Variants in ADAM29 observed in about 807,000 individuals in gnomAD.
The protein encoded by ADAM29 is ADAM metallopeptidase domain 29, also known as disintegrin and metalloproteinase domain-containing protein 29.
For synonymous variants in ADAM29, 367 were observed against 342.3 expected, an observed-to-expected ratio of 1.07 and a Z score of -0.80; for missense variants, 969 against 1,001.8, an observed-to-expected ratio of 0.97 and a Z score of 0.44.
chr4:174,975,220 C>T (rs1323574691), intron 4 of ADAM29, 126 bp from the exon 5 acceptor site: 1 of 249,482 alleles, frequency 4.0e-6, no homozygotes, highest in Non-Finnish European at 7.6e-6. Flanking sequence ...TTGAGTCATT[C>T]CTTGATGAAA....
At chr4:174,922,842 A>G (rs1743242762) in intron 2 of ADAM29, among the ~76,000 whole-genome samples, 1 of 152,048 alleles carries the variant, frequency 6.6e-6, no homozygotes, top group Admixed American at 6.6e-5. Context: ...TTTGAAATAT[A>G]ATCTTCGAAA....
chr4:174,952,322 G>T (rs375085324), intron 4 of ADAM29, among the ~76,000 whole-genome samples: 1 of 149,530 alleles, frequency 6.7e-6, no homozygotes, highest in African/African-American at 2.5e-5. Flanking sequence ...CCTCATGAAG[G>T]TCAAAATTTA....
chr4:174,929,130 T>C (rs879543742), intron 2 of ADAM29, among the ~76,000 whole-genome samples: 1 of 152,166 alleles, frequency 6.6e-6, no homozygotes, highest in African/African-American at 2.4e-5. Flanking sequence ...CATGTTGGTT[T>C]CTCTGTAAAA....
intron 2 of ADAM29, among the ~76,000 whole-genome samples, chr4:174,928,833 T>A (rs9998487): frequency 0.21 from 32,676 of 152,108 alleles, 4,873 homozygotes; most frequent in African/African-American, 0.42. Flanking sequence ...TTTCTTGGTG[T>A]ATACTTTTCA....
intron 2 of ADAM29, among the ~76,000 whole-genome samples, chr4:174,928,143 A>G (rs1743624016): frequency 6.6e-6 from 1 of 152,116 alleles, no homozygotes; most frequent in South Asian, 2.1e-4. Context: ...TCTGGATTTT[A>G]CCTGTAAGGG....
intron 3 of ADAM29, among the ~76,000 whole-genome samples, chr4:174,934,251 AT>A (rs1368112294): frequency 2.6e-5 from 4 of 152,142 alleles, no homozygotes; most frequent in African/African-American, 9.6e-5. Context: ...TGACAAGTCT[AT>A]TTTTAAGTAT....
chr4:174,930,270 A>G (rs1743787595), intron 2 of ADAM29, among the ~76,000 whole-genome samples: 1 of 152,160 alleles, frequency 6.6e-6, no homozygotes, highest in African/African-American at 2.4e-5. Context: ...ATCCCCACTC[A>G]TGATGTAAAG....
chr4:174,939,417 A>ACC (rs1744396848), intron 4 of ADAM29, among the ~76,000 whole-genome samples: 3 of 152,282 alleles, frequency 2.0e-5, no homozygotes, highest in South Asian at 4.1e-4. Context: ...ATATTCTGAA[A>ACC]ATAGGACAGA....
At chr4:174,936,403 A>G (rs1560866619) in intron 3 of ADAM29, among the ~76,000 whole-genome samples, 2 of 151,888 alleles carry the variant, frequency 1.3e-5, no homozygotes. Flanking sequence ...CTTATTTGAC[A>G]TTTTTTGGAA....
At chr4:174,953,388 A>G (rs1474699038) in intron 4 of ADAM29, among the ~76,000 whole-genome samples, 1 of 152,146 alleles carries the variant, frequency 6.6e-6, no homozygotes, top group Non-Finnish European at 1.5e-5. Flanking sequence ...AAAGTATACT[A>G]TTTTCTTTAA....
chr4:174,942,878 A>G (rs1417934268), intron 4 of ADAM29, among the ~76,000 whole-genome samples: 3 of 152,180 alleles, frequency 2.0e-5, no homozygotes, highest in Non-Finnish European at 4.4e-5. Flanking sequence ...TTCCCTTTTA[A>G]AAATAAGTTC....
At chr4:174,946,583 G>C (rs1211505953) in intron 4 of ADAM29, among the ~76,000 whole-genome samples, 1 of 152,034 alleles carries the variant, frequency 6.6e-6, no homozygotes, top group Non-Finnish European at 1.5e-5. Context: ...TCATTTTCAA[G>C]GGGGATGCTT....
chr4:174,957,245 G>A (rs1042885279), intron 4 of ADAM29, among the ~76,000 whole-genome samples: 2 of 151,710 alleles, frequency 1.3e-5, no homozygotes, highest in Non-Finnish European at 3.0e-5. Context: ...TCAAAATATA[G>A]GTTAATCAAC....
Position 174,977,953 on chromosome 4 carries a change from C to G in ADAM29, c.2428C>G (p.Pro810Ala). The change falls in exon 5 of 5, where the codon CCT (proline) becomes GCT (alanine). Residue 810 changes from proline (P) to alanine (A), a missense_variant. Physicochemically the swap from Pro to Ala is conservative, Grantham distance 27 (BLOSUM62 -1). Coordinates refer to ENST00000359240, the MANE Select transcript of ADAM29 (RefSeq NM_014269.4). Reference protein sequence around the residue: ...TPSQRQPQLMPSQSQPPVTPS With the variant: ...TPSQRQPQLMASQSQPPVTPS ...CTCCCAGAGGCAACCTCAGTTGATG[C>G]CTTCCCAGAGTCAACCTCCTGTGAC... is the stretch of plus-strand genomic sequence containing the variant. 6.3e-7 allele frequency: 1 copy of G among 1,593,700 alleles called. No individual in the cohort carries two copies.
In ADAM29 at chr4:174,959,953, C is replaced by T. The variant is rs1026836405; in HGVS notation, c.-180-15393C>T. On this transcript the variant is annotated intron_variant, in intron 4 of 4. Coordinates refer to ENST00000359240, the MANE Select transcript of ADAM29 (RefSeq NM_014269.4). ...TCAGTGTGAAAACTACCTGGGGCTG[C>T]GTTTTCTTTGTAACAATGATTTTTA... Among the ~76,000 whole-genome samples, 4 of 151,910 alleles carry T rather than the reference C, an allele frequency of 2.6e-5. No individual in the cohort carries two copies. In the East Asian group the frequency reaches 5.8e-4, roughly 22 times the overall value.
chr4:174,954,064 T>C (rs749897606), intron 4 of ADAM29, among the ~76,000 whole-genome samples: 1 of 152,208 alleles, frequency 6.6e-6, no homozygotes, highest in Non-Finnish European at 1.5e-5. Flanking sequence ...TCTGCCATTA[T>C]ATAACTTTCC....
chr4:174,925,734 C>T (rs565523774), intron 2 of ADAM29, among the ~76,000 whole-genome samples: 34 of 152,160 alleles, frequency 2.2e-4, no homozygotes, highest in Non-Finnish European at 4.0e-4. Flanking sequence ...CACGTAGTTT[C>T]GTAAAGACTT....
At chr4:174,923,520 T>TG in intron 2 of ADAM29, among the ~76,000 whole-genome samples, 1 of 29,912 alleles carries the variant, frequency 3.3e-5, no homozygotes, top group African/African-American at 1.0e-4. Context: ...TACTGTGCAT[T>TG]ATATGTATAT....
In ADAM29 at chr4:174,977,359, C is replaced by T. The variant is rs1186551501; in HGVS notation, c.1834C>T (p.His612Tyr). 14 of 1,613,566 alleles carry T rather than the reference C, an allele frequency of 8.7e-6. No homozygotes were observed. Among genetic ancestry groups the T allele is most frequent in the Non-Finnish European group, 1.2e-5 (14 of 1,180,024 alleles). The change falls in exon 5 of 5, where the codon CAC becomes TAC. Residue 612 changes from histidine to tyrosine, a missense_variant. His to Tyr is a moderately conservative substitution (Grantham distance 83, BLOSUM62 2). Coordinates refer to ENST00000359240, the MANE Select transcript of ADAM29 (RefSeq NM_014269.4). ...TECGIDHICI[H>Y]RHCVHITILN... ...GTGTGGGATAGATCATATATGCATCCACAGGCACTGTGTCCATATAACCAT... is the reference window on the plus strand; with the variant it reads ...GTGTGGGATAGATCATATATGCATCTACAGGCACTGTGTCCATATAACCAT...
Sources: gnomAD v4.1 joint callset for allele counts (sites outside exome capture counted in the v4.1 genomes callset) on GRCh38, gnomAD v4.1.1 for gene constraint, MANE v1.5 for transcripts, NCBI Gene and HGNC (gene_info 2026-07-23, HGNC 2026-07-21) for gene names.